The following CSMD3 variants were observed in gnomAD, a reference collection of about 807,000 sequenced individuals.
CSMD3 encodes the protein CUB and Sushi multiple domains 3.
A neutral mutation model predicts 435.2 loss-of-function variants in CSMD3; 177 were observed. The ratio of observed to expected loss-of-function variants is 0.41; its 90% CI spans 0.36 to 0.46. CSMD3 has a LOEUF of 0.46. Ranked by LOEUF, CSMD3 falls within the 20% of genes least tolerant of loss-of-function variation. The pLI is 0.34. For synonymous variants in CSMD3, 1,656 were observed against 1,520.5 expected (o/e 1.09, Z -2.07); for missense variants, 4,265 against 4,504.6 (o/e 0.95, Z 1.52).
chr8:113,381,053 C>A (rs2094413022), intron 1 of CSMD3, among the ~76,000 whole-genome samples: 1 of 152,168 alleles, frequency 6.6e-6, no homozygotes, highest in Non-Finnish European at 1.5e-5. Context: ...AAATGCCAAG[C>A]TCGCACAATG....
chr8:112,280,550 A>T (rs917359529), intron 59 of CSMD3, among the ~76,000 whole-genome samples: 3 of 152,166 alleles, frequency 2.0e-5, no homozygotes, highest in Admixed American at 2.0e-4. Flanking sequence ...AATTCTTCTT[A>T]ATGAAAATAA....
intron 45 of CSMD3, among the ~76,000 whole-genome samples, chr8:112,323,216 G>T (rs1823167850): frequency 6.6e-6 from 1 of 151,966 alleles, no homozygotes; most frequent in African/African-American, 2.4e-5. Context: ...TGAAGACCAA[G>T]CACTACAAAA....
At chr8:112,724,671 C>A (rs1587086340) in intron 13 of CSMD3, among the ~76,000 whole-genome samples, 2 of 151,992 alleles carry the variant, frequency 1.3e-5, no homozygotes, top group East Asian at 3.8e-4. Flanking sequence ...CATATTTGGG[C>A]TGGCAGTGTA....
rs901505959 is a variant in CSMD3 at position 112,503,610 on chromosome 8, T to A, written c.5083+180A>T. ...GGTAGTAATTAGAGAAATGCTAATT[T>A]CCTTCCCACTAATAAGAAAATTCTA... On this transcript the variant is annotated intron_variant, in intron 30 of 70. Coordinates refer to ENST00000297405, the MANE Select transcript of CSMD3 (RefSeq NM_198123.2). Among the ~76,000 whole-genome samples the A allele has an allele frequency of 3.3e-5, 5 of 152,312 alleles. No individual in the cohort carries two copies. Among genetic ancestry groups the A allele is most frequent in the Admixed American group, 3.3e-4 (5 of 15,298 alleles).
At chr8:113,026,991 G>A (rs879846618) in intron 5 of CSMD3, among the ~76,000 whole-genome samples, 3 of 152,088 alleles carry the variant, frequency 2.0e-5, no homozygotes, top group Non-Finnish European at 4.4e-5. Flanking sequence ...ATTTCAAACT[G>A]TAGATAATGA....
At chr8:113,184,426 C>A (rs1016679434) in intron 3 of CSMD3, among the ~76,000 whole-genome samples, 1 of 151,960 alleles carries the variant, frequency 6.6e-6, no homozygotes, top group Admixed American at 6.6e-5. Flanking sequence ...TTTTGGGTGG[C>A]CAGCCTCAAC....
At chr8:112,986,944 C>T (rs1195257278) in intron 6 of CSMD3, among the ~76,000 whole-genome samples, 3 of 151,948 alleles carry the variant, frequency 2.0e-5, no homozygotes, top group South Asian at 2.1e-4. Context: ...TAGATAGTTT[C>T]TATGAGTTTC....
intron 2 of CSMD3, among the ~76,000 whole-genome samples, chr8:113,297,609 T>C (rs1588463600): frequency 1.3e-5 from 2 of 152,042 alleles, no homozygotes; most frequent in African/African-American, 2.4e-5. Flanking sequence ...TAGGCAAATA[T>C]TACAGAATAT....
intron 5 of CSMD3, among the ~76,000 whole-genome samples, chr8:113,091,175 A>C (rs2089990104): frequency 6.6e-6 from 1 of 152,128 alleles, no homozygotes; most frequent in African/African-American, 2.4e-5. Flanking sequence ...AAATAGGTGA[A>C]AGGAGTAAGC....
At chr8:113,184,013 C>T (rs538489666) in intron 3 of CSMD3, among the ~76,000 whole-genome samples, 3 of 152,118 alleles carry the variant, frequency 2.0e-5, no homozygotes, top group Middle Eastern at 3.4e-3. Context: ...GACTGACCCC[C>T]CAGGCACCAG....
chr8:113,185,725 GTGTGTGCATGCA>G lies in CSMD3; in HGVS notation c.515-11821_515-11810del, dbSNP rs199517426. ...TCCAAATCTGTATATTTTGGTGTGT[GTGTGTGCATGCA>G]TGTGTGCATGCGTGTGTGTGTGCAT... is the stretch of plus-strand genomic sequence containing the variant. On this transcript the variant is annotated intron_variant, in intron 3 of 70. Coordinates refer to ENST00000297405, the MANE Select transcript of CSMD3 (RefSeq NM_198123.2). Among the ~76,000 whole-genome samples the G allele has an allele frequency of 8.3e-3, 1,262 of 152,156 alleles. 15 individuals carry two copies. Among genetic ancestry groups the G allele is most frequent in the African/African-American group, 0.028 (1,179 of 41,542 alleles).
At chr8:112,602,920 G>C (rs1457020103) in intron 22 of CSMD3, among the ~76,000 whole-genome samples, 1 of 152,100 alleles carries the variant, frequency 6.6e-6, no homozygotes, top group South Asian at 2.1e-4. Context: ...TTTGGGTAGT[G>C]GGGTGGGGAG....
Position 113,278,616 on chromosome 8 carries a change from G to C in CSMD3, c.490C>G (p.His164Asp), listed in dbSNP as rs748470330. ...RLTSDFAVSA[H>D]GFKVYYEELQ... is the part of the protein sequence containing the mutation. ...CCTTCGTAATATACCTTAAATCCATGAGCACTAACTGCAAAATCACTGGTC... is the reference window on the plus strand; with the variant it reads ...CCTTCGTAATATACCTTAAATCCATCAGCACTAACTGCAAAATCACTGGTC... Residue 164 changes from histidine (H) to aspartate (D), a missense_variant, in exon 3 of 71, where the codon CAT (histidine) becomes GAT (aspartate). Transcript: ENST00000297405. 1 of 1,572,206 alleles carries C rather than the reference G, an allele frequency of 6.4e-7. No homozygotes were observed. Among genetic ancestry groups the C allele is most frequent in the African/African-American group, 1.4e-5 (1 of 73,980 alleles).
intron 12 of CSMD3, among the ~76,000 whole-genome samples, 186 bp downstream of exon 12, chr8:112,829,500 G>A (rs190157773): frequency 6.6e-6 from 1 of 152,218 alleles, no homozygotes; most frequent in East Asian, 1.9e-4. Context: ...ACTGAACTGA[G>A]ACAAAGTGCC....
intron 32 of CSMD3, among the ~76,000 whole-genome samples, chr8:112,415,100 G>T (rs189712825): frequency 1.9e-3 from 297 of 152,316 alleles, no homozygotes; most frequent in Admixed American, 4.4e-3. Context: ...TAATCCCCAG[G>T]ACAATAGGGA....
intron 1 of CSMD3, among the ~76,000 whole-genome samples, chr8:113,392,966 T>C (rs2094467394): frequency 6.6e-6 from 1 of 151,664 alleles, no homozygotes; most frequent in African/African-American, 2.4e-5. Context: ...TATGTGTGTG[T>C]GTGTGTGTGT....
At chr8:113,334,282 T>TG (rs1415895876) in intron 1 of CSMD3, among the ~76,000 whole-genome samples, 2 of 91,496 alleles carry the variant, frequency 2.2e-5, no homozygotes, top group Admixed American at 1.3e-4. Flanking sequence ...TTTAAGTTTT[T>TG]TTTTTTTTTT....
chr8:113,010,950 C>CT (rs964276451), intron 6 of CSMD3, among the ~76,000 whole-genome samples: 1 of 151,502 alleles, frequency 6.6e-6, no homozygotes, highest in Non-Finnish European at 1.5e-5. Flanking sequence ...TAAGTACACT[C>CT]TTTTTTTCTT....
chr8:112,380,708 T>C (rs1287302864), intron 37 of CSMD3, among the ~76,000 whole-genome samples: 1 of 152,188 alleles, frequency 6.6e-6, no homozygotes, highest in Non-Finnish European at 1.5e-5. Context: ...AAAAAGAGCT[T>C]GTGAAAGTTA....
Sources: gnomAD v4.1 joint callset for allele counts (sites outside exome capture counted in the v4.1 genomes callset) on GRCh38, gnomAD v4.1.1 for gene constraint, MANE v1.5 for transcripts, NCBI Gene and HGNC (gene_info 2026-07-23, HGNC 2026-07-21) for gene names.